Variants in PCYT2 observed in about 807,000 individuals in gnomAD.
The protein encoded by PCYT2 is ethanolamine-phosphate cytidylyltransferase.
A neutral mutation model predicts 50.0 loss-of-function variants in PCYT2; 33 were observed. That is an observed-to-expected ratio of 0.66 (90% CI 0.50 to 0.88). PCYT2 has a LOEUF of 0.88. Among genes scored for constraint, PCYT2 ranks in the 40% least tolerant of loss-of-function variants. The probability of loss-of-function intolerance (pLI) is 0.00; values close to 1 mark genes in which losing one functional copy is unlikely to be tolerated. For synonymous variants in PCYT2, 240 were observed against 203.7 expected, an observed-to-expected ratio of 1.18 and a Z score of -1.52; for missense variants, 430 against 519.7, an observed-to-expected ratio of 0.83 and a Z score of 1.68.
At chr17:81,907,247 G>A (rs1281957472) in intron 6 of PCYT2, 22 of 1,533,780 alleles carry the variant, frequency 1.4e-5, no homozygotes, top group African/African-American at 2.7e-5. Context: ...GGCGGGTATC[G>A]GGTGAGGGGG....
intron 9 of PCYT2, 93 bp from the exon 10 acceptor site, chr17:81,905,828 C>T (rs1033253237): frequency 9.0e-6 from 12 of 1,327,806 alleles, no homozygotes; most frequent in South Asian, 4.7e-5. Context: ...AGACATGGGG[C>T]GGGGCTGCCA....
Position 81,904,916 on chromosome 17 carries a change from T to C in PCYT2, c.1087A>G (p.Lys363Glu), listed in dbSNP as rs911932672. The part of the protein sequence containing the change: ...RLEYEARNQK[K>E]EAKELAFLEA... ...AGGAAGGCCAGCTCCTTGGCTTCCT[T>C]CTTCTGGTTTCGCGCCTCATACTCC... is the stretch of plus-strand genomic sequence containing the variant. Residue 363 changes from lysine (K) to glutamate (E), a missense_variant, in exon 13 of 13, where the codon AAG becomes GAG. By Grantham distance (56) the Lys-to-Glu change is moderately conservative. This residue lies in a region of PCYT2 where 248 missense variants were observed against 300.2 expected (regional missense o/e 0.83). Transcript: ENST00000538936. 2.5e-6 allele frequency: 4 copies of C among 1,611,406 alleles called. No individual in the cohort carries two copies. The East Asian group carries it at 8.9e-5, about 36-fold the overall frequency.
chr17:81,902,853 C>T lies in PCYT2; in HGVS notation c.*1980G>A. The T allele has an allele frequency of 1.0e-6, 1 of 972,374 alleles. No homozygotes were observed. The highest frequency in any genetic ancestry group is 1.8e-5 in the South Asian group (1 of 56,612). The allele number at this position is 972,374 out of a possible 1,614,324, so 60.2% of individuals were successfully genotyped here. On this transcript the variant is annotated 3_prime_UTR_variant, in exon 13 of 13. Transcript: ENST00000538936. ...GATGGCGCCCCAGGTCTCCCCTACT[C>T]CGCTCACCCCGCAGTTAATGGCAAA...
In PCYT2 at chr17:81,902,718, C is replaced by G; in HGVS notation, c.*2115G>C. The G allele has an allele frequency of 1.2e-6, 2 of 1,608,518 alleles. No individual in the cohort carries two copies. The highest frequency in any genetic ancestry group is 8.5e-7 in the Non-Finnish European group (1 of 1,178,586). On this transcript the variant is annotated 3_prime_UTR_variant, in exon 13 of 13. Coordinates refer to ENST00000538936, the MANE Select transcript of PCYT2 (RefSeq NM_002861.5). ...AGTGCAAGGCGAACGTCTTCCTGTCCCTGCGCGCAGCCGACTGCCTCGCCG... is the reference window on the plus strand; with the variant it reads ...AGTGCAAGGCGAACGTCTTCCTGTCGCTGCGCGCAGCCGACTGCCTCGCCG...
intron 3 of PCYT2, 93 bp downstream of exon 3, chr17:81,908,783 C>T (rs1450611397): frequency 1.2e-5 from 17 of 1,384,236 alleles, no homozygotes; most frequent in African/African-American, 4.3e-5. Flanking sequence ...CCTCAAAGGG[C>T]GGAGGCCCCC....
At chr17:81,905,607 T>C in intron 10 of PCYT2, 63 bp downstream of exon 10, 1 of 1,536,458 alleles carries the variant, frequency 6.5e-7, no homozygotes, top group Non-Finnish European at 9.0e-7. Flanking sequence ...CAGCCTGCAT[T>C]CCCAGCCCAT....
rs930576214 is a variant in PCYT2, at chr17:81,901,604, G to T, written c.*3229C>A. On this transcript the variant is annotated 3_prime_UTR_variant, in exon 13 of 13. Coordinates refer to ENST00000538936, the MANE Select transcript of PCYT2 (RefSeq NM_002861.5). Reference sequence around the variant, plus strand: ...GTGAGCTTGAAGGCTGATGTCACCTGCCAGGAGAGCGGCTGGCAGTCCTGC... The same window carrying T: ...GTGAGCTTGAAGGCTGATGTCACCTTCCAGGAGAGCGGCTGGCAGTCCTGC... 12 of 152,358 alleles carry T rather than the reference G, an allele frequency of 7.9e-5. No individual in the cohort carries two copies. Among genetic ancestry groups the T allele is most frequent in the African/African-American group, 2.9e-4 (12 of 41,454 alleles). The allele number at this position is 152,358 out of a possible 1,614,324, so 9.4% of individuals were successfully genotyped here.
In PCYT2 at chr17:81,905,750, G is replaced by A. The variant is rs1445742812; in HGVS notation, c.838-15C>T. 6.2e-7 allele frequency: 1 copy of A among 1,613,090 alleles called. No individual in the cohort carries two copies. ...TCTGACACGTACTGTGGGGACAGTG[G>A]GGGCAGAAAGACTTGCTCGGTCCCT... On this transcript the variant is annotated splice_polypyrimidine_tract_variant and intron_variant, in intron 9 of 12. Transcript: ENST00000538936.
intron 8 of PCYT2, 120 bp downstream of exon 8, chr17:81,906,344 G>T (rs2040264943): frequency 1.7e-6 from 2 of 1,163,208 alleles, no homozygotes; most frequent in Non-Finnish European, 2.5e-6. Flanking sequence ...ACCCCCCAGG[G>T]TCTCCTGTGA....
chr17:81,906,639 C>A, intron 7 of PCYT2, 93 bp from the exon 8 acceptor site: 1 of 1,572,050 alleles, frequency 6.4e-7, no homozygotes, highest in Non-Finnish European at 8.7e-7. Flanking sequence ...ATCCTCCCTG[C>A]TGACAGCTGC....
In PCYT2 at chr17:81,911,326, G is replaced by A. The variant is rs1272973248; in HGVS notation, c.30C>T (p.Gly10=). 10 of 1,122,114 alleles carry A rather than the reference G, an allele frequency of 8.9e-6. No individual in the cohort carries two copies. Among genetic ancestry groups the A allele is most frequent in the African/African-American group, 1.7e-5 (1 of 57,558 alleles). 69.5% of individuals were successfully genotyped at this position (1,122,114 alleles called of 1,614,324 possible). A position where few individuals can be genotyped will look rare whatever the true frequency, so the allele number is the denominator to read the frequency against. MIRNGRGAA[G]GAEQPGPGGR... is the part of the protein sequence containing the mutation. ...CCCCCGGGCCCGGCTGCTCTGCGCC[G>A]CCTGCAGCCCCGCGCCCGTTCCGGA... Residue 10 remains glycine, a synonymous_variant, in exon 1 of 13, where the codon GGC becomes GGT. Transcript: ENST00000538936.
rs1198335756 is a variant in PCYT2 at position 81,903,647 on chromosome 17, C to T, written c.*1186G>A. On this transcript the variant is annotated 3_prime_UTR_variant, in exon 13 of 13. Transcript: ENST00000538936. Reference sequence around the variant, plus strand: ...ATGAGGATGGCCTGTGCCCCCCACACCTTGGCCCCTGGCTCGGAGAGCAGG... The same window carrying T: ...ATGAGGATGGCCTGTGCCCCCCACATCTTGGCCCCTGGCTCGGAGAGCAGG... The T allele has an allele frequency of 1.3e-5, 2 of 152,336 alleles. No homozygotes were observed. The highest frequency in any genetic ancestry group is 4.8e-5 in the African/African-American group (2 of 41,460). 9.4% of individuals were successfully genotyped at this position (152,336 alleles called of 1,614,324 possible).
At chr17:81,910,519 G>A (rs1414943619) in intron 1 of PCYT2, among the ~76,000 whole-genome samples, 1 of 152,224 alleles carries the variant, frequency 6.6e-6, no homozygotes, top group Non-Finnish European at 1.5e-5. Context: ...CAGAGGCTGG[G>A]CCAGGGGAGC....
rs977630254 is a variant in PCYT2 at position 81,904,564 on chromosome 17, G to A, written c.*269C>T. 6.5e-6 allele frequency: 3 copies of A among 459,976 alleles called. No homozygotes were observed. The highest frequency in any genetic ancestry group is 5.9e-5 in the African/African-American group (3 of 51,102). 28.5% of individuals were successfully genotyped at this position (459,976 alleles called of 1,614,324 possible). A position where few individuals can be genotyped will look rare whatever the true frequency, so the allele number is the denominator to read the frequency against. Reference sequence around the variant, plus strand: ...GGGGACCAGGTGGGGGCGCACGCAGGAGCGGTGCGTTTCAGGCTGCAGGTG... The same window carrying A: ...GGGGACCAGGTGGGGGCGCACGCAGAAGCGGTGCGTTTCAGGCTGCAGGTG... On this transcript the variant is annotated 3_prime_UTR_variant, in exon 13 of 13. Transcript: ENST00000538936.
rs1202381551 is a variant in PCYT2, at chr17:81,902,203, C to T, written c.*2630G>A. ...CTCCGCAGCCTCGGCCCGCCCTCGC[C>T]GCAGATATAAGGCGGCCCAGGCGGT... On this transcript the variant is annotated 3_prime_UTR_variant, in exon 13 of 13. Transcript: ENST00000538936. 8.4e-6 allele frequency: 10 copies of T among 1,191,782 alleles called. No homozygotes were observed. The highest frequency in any genetic ancestry group is 4.4e-5 in the Admixed American group (1 of 22,556). The allele number at this position is 1,191,782 out of a possible 1,614,324, so 73.8% of individuals were successfully genotyped here. A position where few individuals can be genotyped will look rare whatever the true frequency, so the allele number is the denominator to read the frequency against.
chr17:81,908,515 AG>A lies in PCYT2; in HGVS notation c.407+52del, dbSNP rs1430912194. The A allele has an allele frequency of 2.2e-6, 3 of 1,380,838 alleles. No individual in the cohort carries two copies. In the East Asian group the frequency reaches 6.9e-5, roughly 32 times the overall value. 85.5% of individuals were successfully genotyped at this position (1,380,838 alleles called of 1,614,324 possible). A position where few individuals can be genotyped will look rare whatever the true frequency, so the allele number is the denominator to read the frequency against. On this transcript the variant is annotated intron_variant, in intron 4 of 12. Transcript: ENST00000538936. ...GGTAAATAGCAAAGCACGAGCCAGG[AG>A]GGAGCCCCGTGTCCAGCTCCCTGGA... is the stretch of plus-strand genomic sequence containing the variant.
rs374371929 is a variant in PCYT2, at chr17:81,904,871, C to T, written c.1132G>A (p.Ala378Thr). Residue 378 changes from alanine to threonine, a missense_variant, in exon 13 of 13, where the codon GCG (alanine) becomes ACG (threonine). This residue lies in a region of PCYT2 where 248 missense variants were observed against 300.2 expected (regional missense o/e 0.83). Transcript: ENST00000538936. ...LAFLEAARQQ[A>T]AQPLGERDGD... is the part of the protein sequence containing the mutation. ...TCGCGCTCCCCCAGGGGCTGTGCCG[C>T]CTGCTGCCTGGCAGCCTCCAGGAAG... 44 of 1,612,890 alleles carry T rather than the reference C, an allele frequency of 2.7e-5. 1 individual carries two copies. The highest frequency in any genetic ancestry group is 1.2e-4 in the South Asian group (11 of 91,032).
At chr17:81,909,134 G>T (rs1406646637) in intron 2 of PCYT2, 97 bp from the exon 3 acceptor site, 8 of 1,529,276 alleles carry the variant, frequency 5.2e-6, no homozygotes, top group Non-Finnish European at 7.0e-6. Context: ...CACACAAGAG[G>T]GCCGGTGGGG....
rs2040293083 is a variant in PCYT2 at position 81,906,746 on chromosome 17, G to A, written c.676+14C>T. The A allele has an allele frequency of 6.2e-7, 1 of 1,611,862 alleles. No homozygotes were observed. The highest frequency in any genetic ancestry group is 1.7e-5 in the Admixed American group (1 of 59,948). On this transcript the variant is annotated intron_variant, in intron 7 of 12. Transcript: ENST00000538936. ...GTGGCACATGTAGGGGAGCAGCAGA[G>A]GCCCAGAGGATACGGAACAGGTCGA...
Sources: allele counts gnomAD v4.1 joint callset (sites outside exome capture counted in the v4.1 genomes callset), GRCh38; gene constraint gnomAD v4.1.1; regional missense constraint gnomAD v4.1.1; transcripts MANE v1.5; gene names NCBI Gene and HGNC (gene_info 2026-07-23, HGNC 2026-07-21).